VIT: variants seen among roughly 807,000 people sequenced by gnomAD.
The protein encoded by VIT is vitrin.
A neutral mutation model predicts 78.0 loss-of-function variants in VIT; 99 were observed. The ratio of observed to expected loss-of-function variants is 1.27; its 90% confidence interval spans 1.08 to 1.50. VIT has a LOEUF of 1.50. Among genes scored for constraint, VIT ranks in the 40% most tolerant of loss-of-function variants. The pLI is 0.00. For missense variants in VIT, 1,126 were observed against 875.3 expected (o/e 1.29, Z -3.61); for synonymous variants, 374 against 334.3 (o/e 1.12, Z -1.29).
chr2:36,799,187 T>C (rs1312523792), intron 12 of VIT, among the ~76,000 whole-genome samples: 1 of 152,176 alleles, frequency 6.6e-6, no homozygotes, highest in Non-Finnish European at 1.5e-5. Context: ...CATTTTGAGA[T>C]AGAGAGCAGT....
In VIT at chr2:36,814,644, A is replaced by C; in HGVS notation, c.*283A>C. Reference sequence around the variant, plus strand: ...TTTTCAAAATAAATGTTCGGAATACAGTGCAGCCCTTACGACAGGCTTACG... The same window carrying C: ...TTTTCAAAATAAATGTTCGGAATACCGTGCAGCCCTTACGACAGGCTTACG... On this transcript the variant is annotated 3_prime_UTR_variant, in exon 16 of 16. Coordinates refer to ENST00000379242, the MANE Select transcript of VIT (RefSeq NM_053276.4). 2 of 358,852 alleles carry C rather than the reference A, an allele frequency of 5.6e-6. No homozygotes were observed. Among genetic ancestry groups the C allele is most frequent in the Non-Finnish European group, 1.0e-5 (2 of 199,668 alleles). 22.2% of individuals were successfully genotyped at this position (358,852 alleles called of 1,614,324 possible). A position where few individuals can be genotyped will look rare whatever the true frequency, so the allele number is the denominator to read the frequency against.
chr2:36,787,947 G>C (rs1172171511), intron 12 of VIT: 1 of 351,134 alleles, frequency 2.8e-6, no homozygotes, highest in African/African-American at 2.2e-5. Context: ...TTGACATCCA[G>C]TCTCAATCTT....
At position 36,767,259 on chromosome 2, in the gene VIT, C is replaced by T. The variant is rs1444942345; in HGVS notation, c.653C>T (p.Ser218Leu). ...ASTTSIPRPQ[S>L]VGHRSQEMDL... ...ACCACCAGCATCCCCAGACCACAATCAGTGGGCCACAGGAGCCAGGAGATG... is the reference window on the plus strand; with the variant it reads ...ACCACCAGCATCCCCAGACCACAATTAGTGGGCCACAGGAGCCAGGAGATG... The change falls in exon 7 of 16, where the codon TCA becomes TTA. Residue 218 changes from serine (S) to leucine (L), a missense_variant. By Grantham distance (145) the Ser-to-Leu change is moderately radical (BLOSUM62 -2). Transcript: ENST00000379242. 5 of 1,581,768 alleles carry T rather than the reference C, an allele frequency of 3.2e-6. No individual in the cohort carries two copies. The highest frequency in any genetic ancestry group is 2.3e-5 in the East Asian group (1 of 43,392).
chr2:36,728,556 G>A lies in VIT; in HGVS notation c.53-870G>A, dbSNP rs1235877792. On this transcript the variant is annotated intron_variant, in intron 2 of 15. Transcript: ENST00000379242. Reference sequence around the variant, plus strand: ...TGGCCGGGCGCGGTGGCTCACGCCTGTAATCCCAGCACTTTGGGAGGCCGA... The same window carrying A: ...TGGCCGGGCGCGGTGGCTCACGCCTATAATCCCAGCACTTTGGGAGGCCGA... Among the ~76,000 whole-genome samples the A allele has an allele frequency of 2.1e-5, 2 of 95,470 alleles. 1 individual carries two copies. The highest frequency in any genetic ancestry group is 5.2e-5 in the Non-Finnish European group (2 of 38,530). The allele number at this position is 95,470 out of a possible 152,430, so 62.6% of individuals were successfully genotyped here.
chr2:36,726,650 C>T (rs1254928276), intron 2 of VIT, among the ~76,000 whole-genome samples: 1 of 151,984 alleles, frequency 6.6e-6, no homozygotes, highest in Non-Finnish European at 1.5e-5. Flanking sequence ...AAAACCCCAT[C>T]TCTACTAAAA....
At chr2:36,726,751 G>A (rs907186690) in intron 2 of VIT, among the ~76,000 whole-genome samples, 4 of 150,652 alleles carry the variant, frequency 2.7e-5, no homozygotes, top group South Asian at 4.2e-4. Flanking sequence ...CCCGGGAGGC[G>A]GAGTTTGCAG....
At chr2:36,806,298 C>A (rs1261300985) in intron 14 of VIT, among the ~76,000 whole-genome samples, 1 of 152,222 alleles carries the variant, frequency 6.6e-6, no homozygotes, top group African/African-American at 2.4e-5. Context: ...CTTTGAGGCC[C>A]TTCCAGCTTT....
At chr2:36,759,087 C>T in intron 6 of VIT, 41 bp downstream of exon 6, 1 of 1,614,180 alleles carries the variant, frequency 6.2e-7, no homozygotes, top group Non-Finnish European at 8.5e-7. Flanking sequence ...CTTCTGAGTC[C>T]ATGAACACGC....
chr2:36,743,453 T>C (rs1667958929), intron 4 of VIT, among the ~76,000 whole-genome samples, 197 bp downstream of exon 4: 2 of 152,226 alleles, frequency 1.3e-5, no homozygotes, highest in Non-Finnish European at 2.9e-5. Context: ...CTTCTTTCAT[T>C]CAGCACTTTA....
intron 2 of VIT, among the ~76,000 whole-genome samples, chr2:36,720,500 G>A (rs574518847): frequency 5.0e-4 from 76 of 152,184 alleles, no homozygotes; most frequent in Non-Finnish European, 8.2e-4. Context: ...ATATTATTCT[G>A]CCTTAAAAAA....
At chr2:36,770,761 G>A (rs1339120691) in intron 7 of VIT, among the ~76,000 whole-genome samples, 3 of 152,224 alleles carry the variant, frequency 2.0e-5, no homozygotes, top group African/African-American at 2.4e-5. Flanking sequence ...GGCTAAGGAG[G>A]TGGAGTGGCT....
intron 1 of VIT, among the ~76,000 whole-genome samples, chr2:36,708,739 C>T (rs969252359): frequency 6.6e-6 from 1 of 152,130 alleles, no homozygotes; most frequent in African/African-American, 2.4e-5. Context: ...AAATTTGAGC[C>T]CCTCCCAGTC....
At chr2:36,767,437 A>T in intron 7 of VIT, 152 bp downstream of exon 7, 1 of 734,694 alleles carries the variant, frequency 1.4e-6, no homozygotes, top group African/African-American at 1.8e-5. Context: ...CTCCTCCTAG[A>T]TTCAAGGGAG....
intron 12 of VIT, chr2:36,787,660 C>T (rs1665199260): frequency 5.9e-6 from 2 of 337,544 alleles, no homozygotes; most frequent in East Asian, 1.7e-4. Flanking sequence ...GTTGGATCTG[C>T]TTTCAACCCT....
chr2:36,724,091 T>C (rs1290874074), intron 2 of VIT, among the ~76,000 whole-genome samples: 1 of 151,788 alleles, frequency 6.6e-6, no homozygotes, highest in Non-Finnish European at 1.5e-5. Flanking sequence ...CGATCTCGGC[T>C]CATTGCAACC....
At chr2:36,765,109 C>T (rs572815700) in intron 6 of VIT, among the ~76,000 whole-genome samples, 86 of 152,206 alleles carry the variant, frequency 5.7e-4, no homozygotes, top group African/African-American at 2.0e-3. Flanking sequence ...GGAGCCTTTG[C>T]TAATGTGATT....
At chr2:36,706,020 T>C (rs1665397461) in intron 1 of VIT, among the ~76,000 whole-genome samples, 1 of 152,160 alleles carries the variant, frequency 6.6e-6, no homozygotes, top group African/African-American at 2.4e-5. Flanking sequence ...CCAAATCACC[T>C]CTGGTTGTGA....
At chr2:36,715,098 A>G (rs887840449) in intron 1 of VIT, among the ~76,000 whole-genome samples, 2 of 152,094 alleles carry the variant, frequency 1.3e-5, no homozygotes, top group African/African-American at 4.8e-5. Flanking sequence ...TACCATCTCT[A>G]TGAGGATTTC....
intron 3 of VIT, among the ~76,000 whole-genome samples, chr2:36,729,733 G>A (rs1667078829): frequency 6.6e-6 from 1 of 152,158 alleles, no homozygotes; most frequent in South Asian, 2.1e-4. Flanking sequence ...AACTCAAAAT[G>A]CACATACAAA....
Sources: allele counts gnomAD v4.1 joint callset (sites outside exome capture counted in the v4.1 genomes callset), GRCh38; gene constraint gnomAD v4.1.1; transcripts MANE v1.5; gene names NCBI Gene and HGNC (gene_info 2026-07-23, HGNC 2026-07-21).